Variants in RHBDD1 observed in about 807,000 individuals in gnomAD.
RHBDD1 encodes rhomboid domain containing 1.
A neutral mutation model predicts 36.3 loss-of-function variants in RHBDD1; 38 were observed. The observed-to-expected ratio is 1.05, with a 90% confidence interval of 0.81 to 1.37. The LOEUF (loss-of-function observed/expected upper bound fraction) is 1.37, where lower values mean the gene tolerates loss of function less well. Among genes scored for constraint, RHBDD1 ranks in the 40% most tolerant of loss-of-function variants. The probability of loss-of-function intolerance (pLI) is 0.00; values close to 1 mark genes in which losing one functional copy is unlikely to be tolerated. For synonymous variants in RHBDD1, 151 were observed against 136.5 expected, an observed-to-expected ratio of 1.11 and a Z score of -0.74; for missense variants, 393 against 377.6, an observed-to-expected ratio of 1.04 and a Z score of -0.34.
chr2:226,974,197 C>T (rs367754658), intron 8 of RHBDD1, among the ~76,000 whole-genome samples: 24 of 151,996 alleles, frequency 1.6e-4, no homozygotes, highest in Middle Eastern at 6.8e-3. Flanking sequence ...GGGACTTGAG[C>T]CCAGAGTGTT....
upstream of RHBDD1, among the ~76,000 whole-genome samples, chr2:226,831,310 T>C (rs1940735120): frequency 6.6e-6 from 1 of 152,232 alleles, no homozygotes; most frequent in African/African-American, 2.4e-5. Context: ...ACATGTCTGT[T>C]ATGGGTTGAA....
intron 8 of RHBDD1, among the ~76,000 whole-genome samples, chr2:226,973,984 G>T (rs1345198540): frequency 1.3e-5 from 2 of 152,168 alleles, no homozygotes; most frequent in Non-Finnish European, 2.9e-5. Context: ...TGAGGGTTTT[G>T]TGGGTAAGAG....
intron 8 of RHBDD1, among the ~76,000 whole-genome samples, chr2:226,979,792 A>G (rs1397193827): frequency 6.6e-6 from 1 of 152,192 alleles, no homozygotes; most frequent in African/African-American, 2.4e-5. Flanking sequence ...TTCACCAGCC[A>G]TCTAGTCATC....
intron 8 of RHBDD1, among the ~76,000 whole-genome samples, chr2:226,948,029 A>G (rs1046110561): frequency 7.9e-5 from 12 of 152,110 alleles, no homozygotes; most frequent in Non-Finnish European, 1.6e-4. Context: ...GGGATCTAGA[A>G]CTAGAAATAC....
intron 8 of RHBDD1, among the ~76,000 whole-genome samples, chr2:226,968,714 A>C (rs969364851): frequency 6.6e-6 from 1 of 152,214 alleles, no homozygotes; most frequent in Non-Finnish European, 1.5e-5. Context: ...TAAGTGGGGC[A>C]GTTGGCATTC....
intron 5 of RHBDD1, among the ~76,000 whole-genome samples, chr2:226,868,556 A>G (rs1078682): frequency 0.18 from 26,758 of 152,212 alleles, 3,677 homozygotes; most frequent in African/African-American, 0.38. Flanking sequence ...GACGTTGGCA[A>G]AGGGTGAGAT....
chr2:226,985,082 C>G (rs958846177), intron 8 of RHBDD1, among the ~76,000 whole-genome samples: 1 of 152,134 alleles, frequency 6.6e-6, no homozygotes, highest in Admixed American at 6.6e-5. Flanking sequence ...GATTGATTGT[C>G]TTATTACCAT....
intron 8 of RHBDD1, among the ~76,000 whole-genome samples, chr2:226,974,769 T>C (rs1954256612): frequency 6.6e-6 from 1 of 151,934 alleles, no homozygotes; most frequent in Non-Finnish European, 1.5e-5. Context: ...AGGCTGAGAG[T>C]CGTGAACTGT....
chr2:226,916,397 A>G (rs1250546209), intron 8 of RHBDD1, among the ~76,000 whole-genome samples: 1 of 152,140 alleles, frequency 6.6e-6, no homozygotes, highest in African/African-American at 2.4e-5. Flanking sequence ...CAGAGCCTAT[A>G]TTTTTAACAA....
At chr2:226,906,622 TAGG>T (rs1415208183) in intron 5 of RHBDD1, 168 bp from the exon 6 acceptor site, 1 of 1,392,010 alleles carries the variant, frequency 7.2e-7, no homozygotes, top group Non-Finnish European at 9.6e-7. Flanking sequence ...TTTTTTAAGG[TAGG>T]AGATGTTGTT....
the RHBDD1 span, among the ~76,000 whole-genome samples, chr2:226,820,785 C>T: frequency 3.6e-4 from 55 of 151,368 alleles, no homozygotes; most frequent in Admixed American, 2.6e-4. Flanking sequence ...AGAGACAGAA[C>T]AAGACCCTGT....
chr2:226,873,417 G>A (rs1229990871), intron 5 of RHBDD1, among the ~76,000 whole-genome samples: 2 of 152,218 alleles, frequency 1.3e-5, no homozygotes, highest in African/African-American at 2.4e-5. Context: ...TTAGTAGGTT[G>A]TGGTTAAGAT....
In RHBDD1 at chr2:226,867,182, T is replaced by A. The variant is rs371863948; in HGVS notation, c.434-4T>A. 18 of 1,602,668 alleles carry A rather than the reference T, an allele frequency of 1.1e-5. No homozygotes were observed. Among genetic ancestry groups the A allele is most frequent in the Non-Finnish European group, 1.5e-5 (18 of 1,176,782 alleles). ...ATATTTGCATGTTCTTCATTCTCTTTTAGGAGTTTTGTTTGCTTTGAAAGT... is the reference window on the plus strand; with the variant it reads ...ATATTTGCATGTTCTTCATTCTCTTATAGGAGTTTTGTTTGCTTTGAAAGT... On this transcript the variant is annotated splice_polypyrimidine_tract_variant and splice_region_variant and intron_variant, in intron 4 of 8. Transcript: ENST00000392062.
chr2:226,883,958 A>T (rs1946001262), intron 5 of RHBDD1, among the ~76,000 whole-genome samples: 1 of 152,196 alleles, frequency 6.6e-6, no homozygotes, highest in African/African-American at 2.4e-5. Context: ...AAAAGTCATG[A>T]AGCCGCTAAA....
intron 3 of RHBDD1, among the ~76,000 whole-genome samples, chr2:226,859,004 T>TA (rs937932918): frequency 2.6e-5 from 4 of 152,322 alleles, no homozygotes; most frequent in African/African-American, 9.6e-5. Flanking sequence ...GTTGTGGACC[T>TA]AAAAATGCTA....
chr2:226,848,150 A>G (rs1034666681), intron 3 of RHBDD1, among the ~76,000 whole-genome samples: 8 of 152,240 alleles, frequency 5.3e-5, no homozygotes, highest in African/African-American at 1.9e-4. Flanking sequence ...CTGTGATAAC[A>G]ATTACCAAAA....
At position 226,886,735 on chromosome 2, in the gene RHBDD1, G is replaced by A. The variant is rs538531668; in HGVS notation, c.566+19417G>A. 3.3e-5 allele frequency among the ~76,000 whole-genome samples: 5 copies of A among 152,178 alleles called. 1 individual carries two copies. In the South Asian group the frequency reaches 1.0e-3, roughly 32 times the overall value. On this transcript the variant is annotated intron_variant, in intron 5 of 8. Coordinates refer to ENST00000392062, the MANE Select transcript of RHBDD1 (RefSeq NM_001167608.3). ...TGAGAACTAACTCCCTAATTAAGGG[G>A]AATTTTTTTAAAAAAAGATTTTAGA...
At chr2:226,937,497 A>G (rs971501969) in intron 8 of RHBDD1, among the ~76,000 whole-genome samples, 15 of 152,040 alleles carry the variant, frequency 9.9e-5, no homozygotes, top group Admixed American at 5.3e-4. Context: ...AAATATGTAA[A>G]CGTGTGTCAT....
chr2:226,810,157 A>G, the RHBDD1 span, among the ~76,000 whole-genome samples: 5 of 152,324 alleles, frequency 3.3e-5, no homozygotes, highest in Non-Finnish European at 7.4e-5. Flanking sequence ...CCTACCATTG[A>G]CCAGAAACTT....
Sources: allele counts gnomAD v4.1 joint callset (sites outside exome capture counted in the v4.1 genomes callset), GRCh38; gene constraint gnomAD v4.1.1; transcripts MANE v1.5; gene names NCBI Gene and HGNC (gene_info 2026-07-23, HGNC 2026-07-21).